Variants in IDH2 observed in about 807,000 individuals in gnomAD.
IDH2 encodes isocitrate dehydrogenase (NADP(+)) 2.
In IDH2, 18 loss-of-function variants were observed where a neutral mutation model predicts 50.5. That is an observed-to-expected ratio of 0.36 (90% CI 0.25 to 0.53). The LOEUF is 0.53. Ranked by LOEUF, IDH2 falls within the 20% of genes least tolerant of loss-of-function variation. IDH2 has a pLI of 0.92. For synonymous variants in IDH2, 280 were observed against 239.8 expected (o/e 1.17, Z -1.55); for missense variants, 518 against 610.7 (o/e 0.85, Z 1.60).
chr15:90,093,427 TTGTC>T (rs1445035491), intron 1 of IDH2, among the ~76,000 whole-genome samples: 1 of 152,164 alleles, frequency 6.6e-6, no homozygotes, highest in Non-Finnish European at 1.5e-5. Context: ...GTCACTAACT[TTGTC>T]TGTTGCGTGC....
intron 1 of IDH2, among the ~76,000 whole-genome samples, chr15:90,092,341 A>ACTTC (rs34405020): frequency 0.36 from 53,924 of 150,272 alleles, 10,809 homozygotes; most frequent in Non-Finnish European, 0.47. Flanking sequence ...ATCCTTACTT[A>ACTTC]CTTCCTTTCC....
intron 5 of IDH2, among the ~76,000 whole-genome samples, chr15:90,088,013 G>A (rs1192837018): frequency 6.6e-6 from 1 of 152,008 alleles, no homozygotes; most frequent in East Asian, 1.9e-4. Flanking sequence ...GCTGGAACTG[G>A]GGATAAAGAG....
rs1900789666 is a variant in IDH2 at position 90,084,048 on chromosome 15, C to T, written c.*218G>A. The T allele has an allele frequency of 3.4e-6, 2 of 594,052 alleles. No individual in the cohort carries two copies. Among genetic ancestry groups the T allele is most frequent in the Non-Finnish European group, 6.0e-6 (2 of 331,862 alleles). The allele number at this position is 594,052 out of a possible 1,614,324, so 36.8% of individuals were successfully genotyped here. ...CAAGGGCAATATAAATTACAGTATG[C>T]AAAACATACTGACTGGCTGAGGTAA... On this transcript the variant is annotated 3_prime_UTR_variant, in exon 11 of 11. Coordinates refer to ENST00000330062, the MANE Select transcript of IDH2 (RefSeq NM_002168.4). The surrounding 1 kb of genome is among the most constrained non-coding windows in gnomAD (Gnocchi z 5.0).
rs779470336 is a variant in IDH2 at position 90,093,602 on chromosome 15, A to AT, written c.116-1959dup. On this transcript the variant is annotated intron_variant, in intron 1 of 10. Transcript: ENST00000330062. ...GGTATCATTACCTCCATTTTATTTA[A>AT]TTAATTAATTTATTTATTTATTTAT... Among the ~76,000 whole-genome samples, 509 of 141,770 alleles carry AT rather than the reference A, an allele frequency of 3.6e-3. 3 individuals are homozygous for AT. The highest frequency in any genetic ancestry group is 4.7e-3 in the Non-Finnish European group (296 of 62,704). The allele number at this position is 141,770 out of a possible 152,430, so 93.0% of individuals were successfully genotyped here. A position where few individuals can be genotyped will look rare whatever the true frequency, so the allele number is the denominator to read the frequency against.
In IDH2 at chr15:90,091,636, T is replaced by C. The variant is rs758194887; in HGVS notation, c.124A>G (p.Lys42Glu). 1.6e-5 allele frequency: 26 copies of C among 1,614,078 alleles called. No individual in the cohort carries two copies. Among genetic ancestry groups the C allele is most frequent in the Non-Finnish European group, 2.2e-5 (26 of 1,179,910 alleles). Residue 42 changes from lysine (K) to glutamate (E), a missense_variant, in exon 2 of 11, where the codon AAA (lysine) becomes GAA (glutamate). Coordinates refer to ENST00000330062, the MANE Select transcript of IDH2 (RefSeq NM_002168.4). ...QEQPRRHYADKRIKVAKPVVE... is the reference protein window; with the variant it reads ...QEQPRRHYADERIKVAKPVVE... ...ACGGGCTTCGCCACCTTGATCCTTT[T>C]GTCGGCATCTAGAAGCAGGGACACA...
rs767416694 is a variant in IDH2, at chr15:90,087,273, A to C, written c.816-10T>G. 1.2e-6 allele frequency: 2 copies of C among 1,614,096 alleles called. No homozygotes were observed. The highest frequency in any genetic ancestry group is 1.7e-6 in the Non-Finnish European group (2 of 1,180,008). The stretch of plus-strand genomic sequence containing the variant: ...GTCGGTCTTATAGTGCCTGGGAGTA[A>C]AAAGGTCTGTTATGGGGAGAGGGCA... On this transcript the variant is annotated splice_polypyrimidine_tract_variant and intron_variant, in intron 6 of 10. Coordinates refer to ENST00000330062, the MANE Select transcript of IDH2 (RefSeq NM_002168.4).
intron 1 of IDH2, among the ~76,000 whole-genome samples, chr15:90,095,328 C>G (rs1901154312): frequency 6.6e-6 from 1 of 152,164 alleles, no homozygotes; most frequent in Non-Finnish European, 1.5e-5. Context: ...TGAACCCAAT[C>G]TACAATATTC....
intron 1 of IDH2, among the ~76,000 whole-genome samples, chr15:90,092,967 A>G (rs1336516753): frequency 6.6e-6 from 1 of 152,198 alleles, no homozygotes; most frequent in Non-Finnish European, 1.5e-5. Context: ...TAATCTGGCT[A>G]GGTAGAACTA....
Position 90,102,033 on chromosome 15 carries a change from G to A in IDH2, c.115+243C>T, listed in dbSNP as rs62019188. 0.5 allele frequency among the ~76,000 whole-genome samples: 75,750 copies of A among 151,500 alleles called. 19,356 individuals are homozygous for A. The highest frequency in any genetic ancestry group is 0.56 in the Non-Finnish European group (38,156 of 67,768). On this transcript the variant is annotated intron_variant, in intron 1 of 10. Transcript: ENST00000330062. ...AGCCCCGAGCCCCCGCCCGCGCAGAGCTGGCCGTCGCCCGGGCCACCAGTT... is the reference window on the plus strand; with the variant it reads ...AGCCCCGAGCCCCCGCCCGCGCAGAACTGGCCGTCGCCCGGGCCACCAGTT...
chr15:90,092,744 T>C (rs1042351718), intron 1 of IDH2, among the ~76,000 whole-genome samples: 2 of 152,088 alleles, frequency 1.3e-5, no homozygotes, highest in Non-Finnish European at 2.9e-5. Context: ...ACCTGGCTAA[T>C]TTTTTGTATT....
In IDH2 at chr15:90,085,392, A is replaced by C; in HGVS notation, c.968-5T>G. ...TCAGGCCAAGGGAGCCAAAGCCTGG[A>C]GGGTAGAAAGCCTTTCTCTCAGGGC... On this transcript the variant is annotated splice_region_variant and splice_polypyrimidine_tract_variant and intron_variant, in intron 7 of 10. Coordinates refer to ENST00000330062, the MANE Select transcript of IDH2 (RefSeq NM_002168.4). This position sits in a 1 kb window ranked among gnomAD's most constrained non-coding sequence, Gnocchi z 5.5. 6.5e-7 allele frequency: 1 copy of C among 1,549,632 alleles called. No individual in the cohort carries two copies. Among genetic ancestry groups the C allele is most frequent in the African/African-American group, 1.4e-5 (1 of 73,228 alleles).
At chr15:90,091,122 T>A (rs1441946326) in intron 2 of IDH2, among the ~76,000 whole-genome samples, 1 of 152,158 alleles carries the variant, frequency 6.6e-6, no homozygotes, top group African/African-American at 2.4e-5. Flanking sequence ...CACGGCAACT[T>A]TGGAGAAGCC....
rs558970630 is a variant in IDH2 at position 90,094,345 on chromosome 15, A to C, written c.116-2701T>G. Among the ~76,000 whole-genome samples the C allele has an allele frequency of 7.2e-5, 11 of 152,342 alleles. No individual in the cohort carries two copies. The South Asian group carries it at 2.3e-3, about 32-fold the overall frequency. On this transcript the variant is annotated intron_variant, in intron 1 of 10. Transcript: ENST00000330062. ...CTGCAGCAGATAGGGGCACCGGGGC[A>C]CCAGCCTGCTCCTCTGCCCACAGCC...
chr15:90,094,439 C>G (rs991962684), intron 1 of IDH2, among the ~76,000 whole-genome samples: 1 of 152,256 alleles, frequency 6.6e-6, no homozygotes, highest in Non-Finnish European at 1.5e-5. Context: ...GGAAATCTCA[C>G]CAGCTCAGCT....
Position 90,086,242 on chromosome 15 carries a change from C to T in IDH2, c.968-855G>A, listed in dbSNP as rs530289619. On this transcript the variant is annotated intron_variant, in intron 7 of 10. Coordinates refer to ENST00000330062, the MANE Select transcript of IDH2 (RefSeq NM_002168.4). ...GTCCTGGGCTTCCCTTTTCCCCATA[C>T]CAGGAGCTGCCCTGGTAAGCTTAGG... Among the ~76,000 whole-genome samples, 5 of 152,294 alleles carry T rather than the reference C, an allele frequency of 3.3e-5. No homozygotes were observed. In the South Asian group the frequency reaches 1.0e-3, roughly 32 times the overall value.
intron 2 of IDH2, among the ~76,000 whole-genome samples, chr15:90,091,018 G>A (rs748408857): frequency 2.1e-4 from 32 of 152,162 alleles, no homozygotes; most frequent in Non-Finnish European, 3.7e-4. Flanking sequence ...AGATCTTACA[G>A]TTGGAAGTGA....
intron 6 of IDH2, 35 bp downstream of exon 6, chr15:90,087,404 A>G (rs941758010): frequency 1.2e-6 from 2 of 1,613,910 alleles, no homozygotes; most frequent in African/African-American, 1.3e-5. Flanking sequence ...GGGGGAAGGG[A>G]AGAAAGGCCA....
intron 7 of IDH2, among the ~76,000 whole-genome samples, chr15:90,086,119 A>C (rs1283201623): frequency 6.6e-6 from 1 of 152,166 alleles, no homozygotes; most frequent in East Asian, 1.9e-4. Flanking sequence ...CTTCTATCCT[A>C]GATGGGAATT....
At chr15:90,091,731 G>C in intron 1 of IDH2, 87 bp from the exon 2 acceptor site, 6 of 1,098,678 alleles carry the variant, frequency 5.5e-6, no homozygotes, top group South Asian at 3.7e-5. Flanking sequence ...CCTTCACCAG[G>C]AGACAGTGGC....
Sources: allele counts gnomAD v4.1 joint callset (sites outside exome capture counted in the v4.1 genomes callset), GRCh38; gene constraint gnomAD v4.1.1; non-coding constraint Gnocchi (gnomAD v3.1); transcripts MANE v1.5; gene names NCBI Gene and HGNC (gene_info 2026-07-23, HGNC 2026-07-21).